The following EIF2AK4 variants were observed in gnomAD, a reference collection of about 807,000 sequenced individuals.
EIF2AK4 encodes the protein eIF-2-alpha kinase GCN2.
In EIF2AK4, 139 loss-of-function variants were observed where a neutral mutation model predicts 211.1. That is an observed-to-expected ratio of 0.66 (90% CI 0.57 to 0.76). The LOEUF (loss-of-function observed/expected upper bound fraction) is 0.76, where lower values mean the gene tolerates loss of function less well. Among genes scored for constraint, EIF2AK4 ranks in the 30% least tolerant of loss-of-function variants. EIF2AK4 has a pLI of 0.00. For synonymous variants in EIF2AK4, 710 were observed against 751.3 expected (o/e 0.94, Z 0.90); for missense variants, 1,664 against 2,043.8 (o/e 0.81, Z 3.58).
In EIF2AK4 at chr15:39,965,724, T is replaced by C. The variant is rs539997154; in HGVS notation, c.898T>C (p.Leu300=). ...EQLGKLVYNA[L]ETATGGFVLL... ...ACTTGGAAAATTAGTCTACAATGCT[T>C]TGGAAACAGCCACTGGTGGCTTTGT... Residue 300 remains leucine (L), a synonymous_variant, in exon 8 of 39, where the codon TTG becomes CTG. Transcript: ENST00000263791. 1 of 1,614,078 alleles carries C rather than the reference T, an allele frequency of 6.2e-7. No individual in the cohort carries two copies. Among genetic ancestry groups the C allele is most frequent in the East Asian group, 2.2e-5 (1 of 44,872 alleles).
At chr15:40,019,035 C>T (rs1595432900) in intron 29 of EIF2AK4, 58 bp from the exon 30 acceptor site, 1 of 1,286,926 alleles carries the variant, frequency 7.8e-7, no homozygotes, top group Non-Finnish European at 1.1e-6. Flanking sequence ...CATTGTTTTC[C>T]CCGTAATCAC....
intron 13 of EIF2AK4, among the ~76,000 whole-genome samples, chr15:39,982,539 T>C (rs1432049631): frequency 1.3e-5 from 2 of 151,432 alleles, no homozygotes; most frequent in Non-Finnish European, 2.9e-5. Flanking sequence ...TTTTTTTCCT[T>C]TTTCTTTTCT....
chr15:39,959,713 T>C (rs1326089157), intron 6 of EIF2AK4, among the ~76,000 whole-genome samples: 1 of 152,266 alleles, frequency 6.6e-6, no homozygotes, highest in Non-Finnish European at 1.5e-5. Flanking sequence ...GAGATGCTTC[T>C]GCATAGTTTA....
chr15:39,962,402 A>G (rs2034485305), intron 7 of EIF2AK4, among the ~76,000 whole-genome samples: 2 of 152,254 alleles, frequency 1.3e-5, no homozygotes, highest in Admixed American at 1.3e-4. Context: ...AGAATTTTAC[A>G]TCATATACAG....
intron 3 of EIF2AK4, among the ~76,000 whole-genome samples, chr15:39,947,407 A>G (rs2034243899): frequency 6.6e-6 from 1 of 152,246 alleles, no homozygotes; most frequent in African/African-American, 2.4e-5. Context: ...TTGCTTATGA[A>G]TGATTTTTAA....
chr15:39,990,790 C>T (rs961985919), intron 16 of EIF2AK4, among the ~76,000 whole-genome samples: 5 of 152,202 alleles, frequency 3.3e-5, no homozygotes, highest in African/African-American at 4.8e-5. Flanking sequence ...GGCTGGATAA[C>T]GACAGTGGCA....
chr15:40,005,754 G>A (rs920046866), intron 23 of EIF2AK4, among the ~76,000 whole-genome samples: 3 of 151,734 alleles, frequency 2.0e-5, no homozygotes, highest in African/African-American at 7.3e-5. Context: ...TGTATTTTTA[G>A]TAGAGACAGT....
chr15:39,972,529 C>G (rs2034639518), intron 9 of EIF2AK4, among the ~76,000 whole-genome samples: 1 of 152,212 alleles, frequency 6.6e-6, no homozygotes, highest in South Asian at 2.1e-4. Flanking sequence ...CTTTGTCTTT[C>G]GAAAGCTTTA....
intron 33 of EIF2AK4, among the ~76,000 whole-genome samples, chr15:40,027,154 G>A (rs1433796351): frequency 6.6e-6 from 1 of 152,144 alleles, no homozygotes; most frequent in African/African-American, 2.4e-5. Context: ...AATTAACTTA[G>A]TAAGGAAAAT....
At chr15:39,968,873 GAT>G (rs376138307) in intron 9 of EIF2AK4, among the ~76,000 whole-genome samples, 77 of 146,946 alleles carry the variant, frequency 5.2e-4, no homozygotes, top group Admixed American at 1.1e-3. Flanking sequence ...AAGTGAATAT[GAT>G]ATATATATAT....
At chr15:39,989,690 T>C (rs2140926920) in intron 15 of EIF2AK4, among the ~76,000 whole-genome samples, 1 of 152,316 alleles carries the variant, frequency 6.6e-6, no homozygotes, top group South Asian at 2.1e-4. Context: ...AGATCATTAT[T>C]TTCTCTATTA....
chr15:40,013,300 AT>A (rs1271565901), intron 27 of EIF2AK4, among the ~76,000 whole-genome samples: 3 of 151,100 alleles, frequency 2.0e-5, no homozygotes, highest in East Asian at 1.9e-4. Flanking sequence ...CTCCCACTTA[AT>A]TTTTTTTTCT....
rs374541428 is a variant in EIF2AK4, at chr15:40,021,015, C to T, written c.4290C>T (p.Tyr1430=). ...CAGGCATCACAGCAGAAATCATGTA[C>T]GACTGGTCACAGGTAATGGGACAAA... ...WTAGITAEIM[Y]DWSQSQEELQ... is the part of the protein sequence containing the mutation. Residue 1430 remains tyrosine, a synonymous_variant, in exon 31 of 39, where the codon TAC becomes TAT. Coordinates refer to ENST00000263791, the MANE Select transcript of EIF2AK4 (RefSeq NM_001013703.4). 32 of 1,612,806 alleles carry T rather than the reference C, an allele frequency of 2.0e-5. No individual in the cohort carries two copies. Among genetic ancestry groups the T allele is most frequent in the Middle Eastern group, 3.3e-4 (2 of 6,068 alleles).
In EIF2AK4 at chr15:39,949,179, C is replaced by A; in HGVS notation, c.424C>A (p.Pro142Thr). ...SFLSEHNKPP[P>T]KSFHEEMLER... ...TCTCAGCGAGCATAACAAGCCCCCTCCCAAGTCTTTTCATGAAGAAATGCT... is the reference window on the plus strand; with the variant it reads ...TCTCAGCGAGCATAACAAGCCCCCTACCAAGTCTTTTCATGAAGAAATGCT... The change falls in exon 4 of 39, where the codon CCC (proline) becomes ACC (threonine). Residue 142 changes from proline to threonine, a missense_variant. Pro to Thr is a conservative substitution (Grantham distance 38). Coordinates refer to ENST00000263791, the MANE Select transcript of EIF2AK4 (RefSeq NM_001013703.4). The A allele has an allele frequency of 1.2e-6, 2 of 1,614,090 alleles. No homozygotes were observed. Among genetic ancestry groups the A allele is most frequent in the Non-Finnish European group, 8.5e-7 (1 of 1,180,016 alleles).
intron 33 of EIF2AK4, among the ~76,000 whole-genome samples, chr15:40,027,907 G>GAAA (rs2035486580): frequency 6.7e-6 from 1 of 149,984 alleles, no homozygotes; most frequent in Non-Finnish European, 1.5e-5. Flanking sequence ...AAAACAAAAA[G>GAAA]AACAACAACA....
chr15:40,018,442 A>AT lies in EIF2AK4; in HGVS notation c.4066-641dup, dbSNP rs112144186. On this transcript the variant is annotated intron_variant, in intron 29 of 38. Transcript: ENST00000263791. ...GGAGGATTTTTTCAGGCATTCTTTG[A>AT]TTTTTTTTTTCAGTCTCACACTCTT... 9.4e-3 allele frequency among the ~76,000 whole-genome samples: 1,391 copies of AT among 148,536 alleles called. 22 individuals carry two copies. Among genetic ancestry groups the AT allele is most frequent in the African/African-American group, 0.033 (1,333 of 40,356 alleles).
chr15:40,002,830 A>T, intron 22 of EIF2AK4, 42 bp downstream of exon 22: 1 of 1,603,552 alleles, frequency 6.2e-7, no homozygotes, highest in Non-Finnish European at 8.5e-7. Flanking sequence ...TTCTCATAAG[A>T]CTTTTTTCAT....
In EIF2AK4 at chr15:40,000,999, C is replaced by T; in HGVS notation, c.2934C>T (p.Ile978=). 1 of 1,614,212 alleles carries T rather than the reference C, an allele frequency of 6.2e-7. No individual in the cohort carries two copies. The highest frequency in any genetic ancestry group is 8.5e-7 in the Non-Finnish European group (1 of 1,180,042). ...GGGTTTTATTGTAGAAATCAGTCAT[C>T]TCCTGGCTGTTGAACCACGATCCAG... The part of the protein sequence containing the change: ...DGEHAKQKSV[I]SWLLNHDPAK... The change falls in exon 21 of 39, where the codon ATC becomes ATT. Residue 978 remains isoleucine, a synonymous_variant. Coordinates refer to ENST00000263791, the MANE Select transcript of EIF2AK4 (RefSeq NM_001013703.4).
At chr15:40,018,348 C>A (rs894315969) in intron 29 of EIF2AK4, among the ~76,000 whole-genome samples, 1 of 152,040 alleles carries the variant, frequency 6.6e-6, no homozygotes, top group Non-Finnish European at 1.5e-5. Context: ...GCATGAGTTT[C>A]TTTGGATTTA....
Sources: gnomAD v4.1 joint callset for allele counts (sites outside exome capture counted in the v4.1 genomes callset) on GRCh38, gnomAD v4.1.1 for gene constraint, MANE v1.5 for transcripts, NCBI Gene and HGNC (gene_info 2026-07-23, HGNC 2026-07-21) for gene names.